Variants in LRRFIP1 observed in about 807,000 individuals in gnomAD.
LRRFIP1 encodes leucine-rich repeat flightless-interacting protein 1.
Under a neutral mutation model 104.4 loss-of-function variants are expected in LRRFIP1, and 62 were observed. That is an observed-to-expected ratio of 0.59 (90% CI 0.48 to 0.73). The LOEUF is 0.73. Among genes scored for constraint, LRRFIP1 ranks in the 30% least tolerant of loss-of-function variants. The pLI is 0.00. For synonymous variants in LRRFIP1, 300 were observed against 299.0 expected (o/e 1.00, Z -0.03); for missense variants, 796 against 824.5 (o/e 0.97, Z 0.42).
At chr2:237,760,357 C>A in intron 19 of LRRFIP1, 152 bp downstream of exon 19, 1 of 918,858 alleles carries the variant, frequency 1.1e-6, no homozygotes, top group Non-Finnish European at 1.6e-6. Flanking sequence ...TTTCCTTGCC[C>A]ACCCGGTGTG....
chr2:237,708,878 C>T (rs576218900), intron 2 of LRRFIP1: 4 of 622,332 alleles, frequency 6.4e-6, no homozygotes, highest in African/African-American at 1.8e-5. Context: ...CTGCGCAGAT[C>T]GTCGTTTCTA....
chr2:237,645,187 A>G (rs1354125428), intron 1 of LRRFIP1, among the ~76,000 whole-genome samples: 1 of 152,242 alleles, frequency 6.6e-6, no homozygotes, highest in African/African-American at 2.4e-5. Context: ...AGATACTCAG[A>G]GGCTATGCAG....
At chr2:237,747,806 T>C (rs2058073061) in intron 11 of LRRFIP1, among the ~76,000 whole-genome samples, 1 of 151,992 alleles carries the variant, frequency 6.6e-6, no homozygotes, top group Non-Finnish European at 1.5e-5. Context: ...CTTGGTAACC[T>C]TCTCAGTGGG....
intron 1 of LRRFIP1, among the ~76,000 whole-genome samples, chr2:237,662,337 A>G (rs2088168936): frequency 6.6e-6 from 1 of 152,112 alleles, no homozygotes; most frequent in African/African-American, 2.4e-5. Flanking sequence ...CCTATGTCCA[A>G]ATAAGGCCCC....
rs112802841 is a variant in LRRFIP1, at chr2:237,728,085, G to A, written c.444+150G>A. ...GTCTTTTTTTTCCTAGCACATGATG[G>A]AATGAAAGATAATGTTTTTCAACTA... On this transcript the variant is annotated intron_variant, in intron 8 of 23. Transcript: ENST00000308482. 8.2e-4 allele frequency: 481 copies of A among 589,190 alleles called. 1 individual carries two copies. The highest frequency in any genetic ancestry group is 7.5e-3 in the African/African-American group (397 of 53,288). 36.5% of individuals were successfully genotyped at this position (589,190 alleles called of 1,614,324 possible).
rs1228238171 is a variant in LRRFIP1, at chr2:237,717,051, G to A, written c.202-711G>A. Among the ~76,000 whole-genome samples, 1 of 151,836 alleles carries A rather than the reference G, an allele frequency of 6.6e-6. No homozygotes were observed. Among genetic ancestry groups the A allele is most frequent in the Non-Finnish European group, 1.5e-5 (1 of 68,022 alleles). On this transcript the variant is annotated intron_variant, in intron 3 of 23. Coordinates refer to ENST00000308482, the MANE Select transcript of LRRFIP1 (RefSeq NM_001137550.2). This position sits in a 1 kb window ranked among gnomAD's most constrained non-coding sequence, Gnocchi z 4.2. The stretch of plus-strand genomic sequence containing the variant: ...TTTTTTAGCTTATCAGCTATCGTTA[G>A]TGTAGTTTATGTGTGGCCCAAGACA...
intron 1 of LRRFIP1, among the ~76,000 whole-genome samples, chr2:237,680,891 G>A (rs113715352): frequency 0.025 from 3,853 of 152,248 alleles, 179 homozygotes; most frequent in African/African-American, 0.089. Flanking sequence ...TGAGATGGGA[G>A]GATCACTTGA....
chr2:237,633,471 G>A (rs1285627326), intron 1 of LRRFIP1, among the ~76,000 whole-genome samples: 1 of 152,024 alleles, frequency 6.6e-6, no homozygotes, highest in Non-Finnish European at 1.5e-5. Flanking sequence ...CCTTTTCTGG[G>A]TGACTCTTGA....
chr2:237,652,786 T>C lies in LRRFIP1; in HGVS notation c.96+25046T>C, dbSNP rs2086146595. Reference sequence around the variant, plus strand: ...GGACTGCCTGATCTCAGGTTGAGAATGTTGTGAGCCATGATCGTGCCACTG... The same window carrying C: ...GGACTGCCTGATCTCAGGTTGAGAACGTTGTGAGCCATGATCGTGCCACTG... On this transcript the variant is annotated intron_variant, in intron 1 of 23. Transcript: ENST00000308482. Among the ~76,000 whole-genome samples, 4 of 152,158 alleles carry C rather than the reference T, an allele frequency of 2.6e-5. No homozygotes were observed. In the South Asian group the frequency reaches 8.3e-4, roughly 32 times the overall value.
rs533568661 is a variant in LRRFIP1, at chr2:237,651,631, T to A, written c.96+23891T>A. On this transcript the variant is annotated intron_variant, in intron 1 of 23. Coordinates refer to ENST00000308482, the MANE Select transcript of LRRFIP1 (RefSeq NM_001137550.2). ...TGTCATTTCACTTGTTCCTCTCTCC[T>A]CTGTATTTCCTGTAAGTGAAAATTA... is the stretch of plus-strand genomic sequence containing the variant. Among the ~76,000 whole-genome samples the A allele has an allele frequency of 5.3e-5, 8 of 152,322 alleles. No individual in the cohort carries two copies. The South Asian group carries it at 1.7e-3, about 32-fold the overall frequency.
At chr2:237,700,409 T>TGA (rs2093450603) in intron 1 of LRRFIP1, among the ~76,000 whole-genome samples, 1 of 152,100 alleles carries the variant, frequency 6.6e-6, no homozygotes, top group African/African-American at 2.4e-5. Context: ...TTCACGTGAG[T>TGA]GAACTTGAAT....
chr2:237,745,766 T>C (rs2057758986), intron 11 of LRRFIP1, among the ~76,000 whole-genome samples: 1 of 152,176 alleles, frequency 6.6e-6, no homozygotes, highest in African/African-American at 2.4e-5. Context: ...ACAGTATTTA[T>C]CCATTGCTGA....
chr2:237,640,799 G>A (rs1431008995), intron 1 of LRRFIP1, among the ~76,000 whole-genome samples: 2 of 152,098 alleles, frequency 1.3e-5, no homozygotes, highest in East Asian at 1.9e-4. Context: ...TGTGGCCCCC[G>A]CCCCTCCACT....
rs544314195 is a variant in LRRFIP1, at chr2:237,676,272, G to A, written c.97-32272G>A. On this transcript the variant is annotated intron_variant, in intron 1 of 23. Transcript: ENST00000308482. ...TTCCAATAAAAGTTCAAGGTACATA[G>A]TTTAAATGTACATACTTTAATGCAA... Among the ~76,000 whole-genome samples, 38 of 152,318 alleles carry A rather than the reference G, an allele frequency of 2.5e-4. No individual in the cohort carries two copies. In the South Asian group the frequency reaches 7.5e-3, roughly 30 times the overall value.
Position 237,711,382 on chromosome 2 carries a change from C to T in LRRFIP1, c.183+2752C>T, listed in dbSNP as rs1056173506. ...AGGGGTCACAGGGGTCAAGATATCTCGCCCTGTTGCAAATTCGGCGGAACA... is the reference window on the plus strand; with the variant it reads ...AGGGGTCACAGGGGTCAAGATATCTTGCCCTGTTGCAAATTCGGCGGAACA... On this transcript the variant is annotated intron_variant, in intron 2 of 23. Coordinates refer to ENST00000308482, the MANE Select transcript of LRRFIP1 (RefSeq NM_001137550.2). This position sits in a 1 kb window ranked among gnomAD's most constrained non-coding sequence, Gnocchi z 4.4. Among the ~76,000 whole-genome samples the T allele has an allele frequency of 6.6e-6, 1 of 152,218 alleles. No homozygotes were observed. The highest frequency in any genetic ancestry group is 1.5e-5 in the Non-Finnish European group (1 of 68,036).
At chr2:237,738,963 A>G (rs909467559) in intron 10 of LRRFIP1, among the ~76,000 whole-genome samples, 2 of 152,230 alleles carry the variant, frequency 1.3e-5, no homozygotes, top group Admixed American at 6.5e-5. Context: ...TGCACACCCA[A>G]TTGAACGGGT....
chr2:237,763,023 C>G, intron 19 of LRRFIP1: 1 of 1,614,194 alleles, frequency 6.2e-7, no homozygotes, highest in Non-Finnish European at 8.5e-7. Flanking sequence ...CAGGCAGGCA[C>G]AGTGGCCTCG....
chr2:237,769,734 G>A lies in LRRFIP1; in HGVS notation c.1460-209G>A, dbSNP rs987099895. Reference sequence around the variant, plus strand: ...CATGCAGCCGGATGCTGCCCCTGACGTGAAGCATGTTCTGGGAGGTTGACC... The same window carrying A: ...CATGCAGCCGGATGCTGCCCCTGACATGAAGCATGTTCTGGGAGGTTGACC... On this transcript the variant is annotated intron_variant, in intron 19 of 23. Transcript: ENST00000308482. The A allele has an allele frequency of 6.5e-5, 36 of 549,964 alleles. 1 individual carries two copies. The highest frequency in any genetic ancestry group is 4.8e-4 in the South Asian group (21 of 43,494). The allele number at this position is 549,964 out of a possible 1,614,324, so 34.1% of individuals were successfully genotyped here.
chr2:237,688,347 C>A (rs2092524883), intron 1 of LRRFIP1, among the ~76,000 whole-genome samples: 1 of 152,072 alleles, frequency 6.6e-6, no homozygotes, highest in South Asian at 2.1e-4. Context: ...ATCATCCTTA[C>A]CAAAAGAAGG....
Sources: allele counts gnomAD v4.1 joint callset (sites outside exome capture counted in the v4.1 genomes callset), GRCh38; gene constraint gnomAD v4.1.1; non-coding constraint Gnocchi (gnomAD v3.1); transcripts MANE v1.5; gene names NCBI Gene and HGNC (gene_info 2026-07-23, HGNC 2026-07-21).